Variants in ALDH1L2 observed in about 807,000 individuals in gnomAD.
ALDH1L2 encodes the protein mitochondrial 10-formyltetrahydrofolate dehydrogenase.
ALDH1L2 carries 91 observed loss-of-function variants against 111.0 expected under a neutral mutation model. The observed-to-expected ratio is 0.82, with a 90% CI of 0.69 to 0.98. The LOEUF is 0.98. ALDH1L2 is among the 50% of genes least tolerant of loss of function. The pLI, the probability that ALDH1L2 is intolerant of heterozygous loss-of-function variation, is 0.00. For synonymous variants in ALDH1L2, 374 were observed against 392.6 expected, an observed-to-expected ratio of 0.95 and a Z score of 0.56; for missense variants, 995 against 1,126.8, an observed-to-expected ratio of 0.88 and a Z score of 1.67.
intron 15 of ALDH1L2, among the ~76,000 whole-genome samples, chr12:105,046,185 CTCTCTCTCTATATATA>C (rs1875857024): frequency 3.9e-5 from 1 of 25,970 alleles, no homozygotes; most frequent in African/African-American, 1.8e-4. Flanking sequence ...CTCTCTCTCT[CTCTCTCTCTATATATA>C]TATATATATA....
At chr12:105,067,215 CAAAAAAAAAAAA>C (rs11334156) in intron 4 of ALDH1L2, among the ~76,000 whole-genome samples, 2 of 97,242 alleles carry the variant, frequency 2.1e-5, no homozygotes, top group Admixed American at 2.2e-4. Flanking sequence ...GACTCTGTCT[CAAAAAAAAAAAA>C]AAAAAAAAGA....
intron 1 of ALDH1L2, among the ~76,000 whole-genome samples, chr12:105,077,776 A>G (rs2136114395): frequency 6.6e-6 from 1 of 151,406 alleles, no homozygotes; most frequent in African/African-American, 2.4e-5. Flanking sequence ...ATAGCTTTCC[A>G]AAGAAAACTT....
At chr12:105,036,499 ATGTATATATATATTT>A (rs1875111026) in intron 18 of ALDH1L2, among the ~76,000 whole-genome samples, 1 of 60,536 alleles carries the variant, frequency 1.7e-5, no homozygotes, top group Non-Finnish European at 3.0e-5. Flanking sequence ...ATATTTATAT[ATGTATATATATATTT>A]TATATATATA....
chr12:105,045,738 C>T (rs1041161210), intron 15 of ALDH1L2, among the ~76,000 whole-genome samples: 2 of 152,042 alleles, frequency 1.3e-5, no homozygotes, highest in Non-Finnish European at 2.9e-5. Context: ...TGGCCGTGGC[C>T]ACATGACCAT....
Position 105,083,016 on chromosome 12 carries a change from C to G in ALDH1L2, c.48+1373G>C, listed in dbSNP as rs531976815. On this transcript the variant is annotated intron_variant, in intron 1 of 22. Transcript: ENST00000258494. ...TGCGTACAGTTAGACCCTGATCACG[C>G]CAGTTCTTCCCCACATCCATAGTTT... Among the ~76,000 whole-genome samples the G allele has an allele frequency of 5.8e-4, 89 of 152,230 alleles. 7 individuals are homozygous for G. Among genetic ancestry groups the G allele is most frequent in the Non-Finnish European group, 1.6e-4 (11 of 68,046 alleles).
At chr12:105,026,088 G>A (rs986181561) in intron 22 of ALDH1L2, among the ~76,000 whole-genome samples, 4 of 152,078 alleles carry the variant, frequency 2.6e-5, no homozygotes, top group African/African-American at 9.7e-5. Context: ...CAAAAACCCT[G>A]CCAATTGCAG....
rs1448720675 is a variant in ALDH1L2, at chr12:105,020,981, T to C, written c.*3443A>G. Reference sequence around the variant, plus strand: ...GTCCCGGAGAACTATTTGTTAAATATTTTACCAGCACACCCCTGGGAAGAG... The same window carrying C: ...GTCCCGGAGAACTATTTGTTAAATACTTTACCAGCACACCCCTGGGAAGAG... On this transcript the variant is annotated 3_prime_UTR_variant, in exon 23 of 23. Coordinates refer to ENST00000258494, the MANE Select transcript of ALDH1L2 (RefSeq NM_001034173.4). 3 of 152,208 alleles carry C rather than the reference T, an allele frequency of 2.0e-5. No homozygotes were observed. Among genetic ancestry groups the C allele is most frequent in the Non-Finnish European group, 4.4e-5 (3 of 68,096 alleles). The allele number at this position is 152,208 out of a possible 1,614,324, so 9.4% of individuals were successfully genotyped here.
intron 6 of ALDH1L2, 30 bp downstream of exon 6, chr12:105,065,237 G>A (rs1224587448): frequency 8.3e-7 from 1 of 1,207,118 alleles, no homozygotes; most frequent in Admixed American, 2.1e-5. Flanking sequence ...ATCGGGGAGG[G>A]GGGTGGGGGG....
rs1350080196 is a variant in ALDH1L2, at chr12:105,020,049, G to A, written c.*4375C>T. The A allele has an allele frequency of 6.6e-6, 1 of 151,886 alleles. No individual in the cohort carries two copies. The highest frequency in any genetic ancestry group is 1.5e-5 in the Non-Finnish European group (1 of 67,962). 9.4% of individuals were successfully genotyped at this position (151,886 alleles called of 1,614,324 possible). ...TTTATAAATGTTTTTTACATCATTG[G>A]GTATTTAATCATTTTAAAAATCTAC... On this transcript the variant is annotated 3_prime_UTR_variant, in exon 23 of 23. Coordinates refer to ENST00000258494, the MANE Select transcript of ALDH1L2 (RefSeq NM_001034173.4).
intron 2 of ALDH1L2, chr12:105,072,571 A>G (rs1319108711): frequency 2.0e-5 from 3 of 152,232 alleles, no homozygotes; most frequent in African/African-American, 7.2e-5. Context: ...GATGACAGGA[A>G]AGTGGATAAA....
chr12:105,074,573 C>T (rs1877939499), intron 1 of ALDH1L2, among the ~76,000 whole-genome samples: 4 of 151,932 alleles, frequency 2.6e-5, no homozygotes. Flanking sequence ...GCAGAACTCT[C>T]TCTACTTTAC....
In ALDH1L2 at chr12:105,049,953, A is replaced by G. The variant is rs765345446; in HGVS notation, c.1641T>C (p.Ser547=). The G allele has an allele frequency of 1.1e-5, 18 of 1,612,746 alleles. No homozygotes were observed. The East Asian group carries it at 3.3e-4, about 30-fold the overall frequency. The change falls in exon 13 of 23, where the codon TCT becomes TCC. Residue 547 remains serine (S), a synonymous_variant. Transcript: ENST00000258494. ...CAGCAAAATATCTGAATGTTTGCAC[A>G]GACATTCCAATGTGTGTCTTCAGGG... The part of the protein sequence containing the change: ...TLALKTHIGM[S]VQTFRYFAGW...
intron 9 of ALDH1L2, 123 bp from the exon 10 acceptor site, chr12:105,058,343 T>A: frequency 1.1e-6 from 1 of 939,804 alleles, no homozygotes; most frequent in Non-Finnish European, 1.5e-6. Flanking sequence ...TTATATCCTA[T>A]GAGATCTTCT....
At chr12:105,062,737 G>A in intron 7 of ALDH1L2, 151 bp downstream of exon 7, 1 of 912,898 alleles carries the variant, frequency 1.1e-6, no homozygotes, top group Non-Finnish European at 1.6e-6. Flanking sequence ...GCAGATCTGT[G>A]GGGCCCATCT....
intron 1 of ALDH1L2, among the ~76,000 whole-genome samples, chr12:105,076,430 T>C (rs1878056666): frequency 6.6e-6 from 1 of 152,194 alleles, no homozygotes; most frequent in South Asian, 2.1e-4. Context: ...GAGACAGGCA[T>C]TATTAACCCA....
At chr12:105,033,854 A>T (rs1202966872) in intron 19 of ALDH1L2, among the ~76,000 whole-genome samples, 1 of 152,192 alleles carries the variant, frequency 6.6e-6, no homozygotes, top group Non-Finnish European at 1.5e-5. Context: ...CTAGGAGCGT[A>T]ACTCTCACAA....
At chr12:105,038,255 C>G in intron 17 of ALDH1L2, 53 bp from the exon 18 acceptor site, 1 of 761,066 alleles carries the variant, frequency 1.3e-6, no homozygotes, top group African/African-American at 2.2e-5. Context: ...CTCTCTCTCT[C>G]TCTCTCACAC....
chr12:105,070,780 G>A lies in ALDH1L2; in HGVS notation c.218C>T (p.Thr73Ile). 1.2e-6 allele frequency: 2 copies of A among 1,613,368 alleles called. No individual in the cohort carries two copies. Among genetic ancestry groups the A allele is most frequent in the Non-Finnish European group, 1.7e-6 (2 of 1,179,848 alleles). The change falls in exon 3 of 23, where the codon ACC becomes ATC. Residue 73 changes from threonine (T) to isoleucine (I), a missense_variant. Coordinates refer to ENST00000258494, the MANE Select transcript of ALDH1L2 (RefSeq NM_001034173.4). Reference sequence around the variant, plus strand: ...CCATTTAGGAAGCTTGAACACAGGGGTCCCATCTTTCTCTGCAGCCAAAGC... The same window carrying A: ...CCATTTAGGAAGCTTGAACACAGGGATCCCATCTTTCTCTGCAGCCAAAGC... ...PLALAAEKDG[T>I]PVFKLPKWRV...
intron 6 of ALDH1L2, among the ~76,000 whole-genome samples, chr12:105,064,114 CTTTTTTTTTTTTTTTTTTTTTTTTTTT>C (rs71069786): frequency 8.6e-5 from 3 of 35,082 alleles, no homozygotes; most frequent in African/African-American, 1.1e-4. Context: ...CCACACCGAG[CTTTTTTTTTTTTTTTTTTTTTTTTTTT>C]TTTTTTTTTT....
Sources: allele counts gnomAD v4.1 joint callset (sites outside exome capture counted in the v4.1 genomes callset), GRCh38; gene constraint gnomAD v4.1.1; transcripts MANE v1.5; gene names NCBI Gene and HGNC (gene_info 2026-07-23, HGNC 2026-07-21).